The following CERS3 variants were observed in gnomAD, a reference collection of about 807,000 sequenced individuals.
CERS3 encodes the protein LAG1 homolog, ceramide synthase 3.
CERS3 carries 33 observed loss-of-function variants against 50.3 expected under a neutral mutation model. The ratio of observed to expected loss-of-function variants is 0.66; its 90% CI spans 0.50 to 0.88. CERS3 has a LOEUF of 0.88. CERS3 is among the 40% of genes least tolerant of loss of function. CERS3 has a pLI of 0.00. For synonymous variants in CERS3, 176 were observed against 155.2 expected, an observed-to-expected ratio of 1.13 and a Z score of -0.99; for missense variants, 470 against 460.3, an observed-to-expected ratio of 1.02 and a Z score of -0.19.
chr15:100,406,553 G>A (rs139434273), intron 11 of CERS3, among the ~76,000 whole-genome samples: 2 of 152,012 alleles, frequency 1.3e-5, no homozygotes, highest in Admixed American at 6.6e-5. Flanking sequence ...CCACAGAAAG[G>A]GTGTCAAAAT....
At chr15:100,475,380 T>C (rs2035094438) in intron 8 of CERS3, among the ~76,000 whole-genome samples, 1 of 152,224 alleles carries the variant, frequency 6.6e-6, no homozygotes. Flanking sequence ...ATACAAATTT[T>C]GCTACAAACC....
chr15:100,529,831 A>G (rs1183085327), upstream of CERS3, among the ~76,000 whole-genome samples: 1 of 152,242 alleles, frequency 6.6e-6, no homozygotes, highest in Non-Finnish European at 1.5e-5. Context: ...GATTCTCATT[A>G]GCTGTCTTCA....
intron 1 of CERS3, among the ~76,000 whole-genome samples, chr15:100,526,383 T>C (rs1367390186): frequency 3.3e-5 from 5 of 152,066 alleles, no homozygotes; most frequent in Non-Finnish European, 2.9e-5. Flanking sequence ...GGGAGCTCCC[T>C]TGGAGCCAGC....
rs2033271359 is a variant in CERS3 at position 100,434,024 on chromosome 15, G to A, written c.999+21869C>T. 3.3e-5 allele frequency among the ~76,000 whole-genome samples: 5 copies of A among 152,378 alleles called. No homozygotes were observed. In the South Asian group the frequency reaches 1.0e-3, roughly 32 times the overall value. ...AGGGCCTGTTCTGGCCTTAGCCCCT[G>A]CAGTCAGGCCTCTGTGGAGAGCTAT... On this transcript the variant is annotated intron_variant, in intron 11 of 11. Coordinates refer to ENST00000679737, the MANE Select transcript of CERS3 (RefSeq NM_001378789.1).
At position 100,472,961 on chromosome 15, in the gene CERS3, A is replaced by C. The variant is rs754294287; in HGVS notation, c.701T>G (p.Val234Gly). Residue 234 changes from valine (V) to glycine (G), a missense_variant, in exon 9 of 12, where the codon GTG becomes GGG. By Grantham distance (109) the Val-to-Gly change is moderately radical. Transcript: ENST00000679737. ...GTCAGCCACATCGTGTACAATCATC[A>C]CGAGGGTCCCACTGCGAATATAATT... ...CANYIRSGTL[V>G]MIVHDVADIW... 1 of 1,614,018 alleles carries C rather than the reference A, an allele frequency of 6.2e-7. No homozygotes were observed. Among genetic ancestry groups the C allele is most frequent in the Admixed American group, 1.7e-5 (1 of 60,010 alleles).
intron 11 of CERS3, among the ~76,000 whole-genome samples, chr15:100,438,554 G>A (rs1259149936): frequency 6.6e-6 from 1 of 152,170 alleles, no homozygotes; most frequent in Admixed American, 6.5e-5. Context: ...AGTGTTACAA[G>A]TTAAGAGACT....
At chr15:100,461,987 G>GA (rs914883362) in intron 10 of CERS3, among the ~76,000 whole-genome samples, 4 of 151,966 alleles carry the variant, frequency 2.6e-5, no homozygotes, top group South Asian at 2.1e-4. Context: ...CTGGGAAAAA[G>GA]AAAAAAAATT....
chr15:100,432,723 G>A (rs934762649), intron 11 of CERS3, among the ~76,000 whole-genome samples: 3 of 152,158 alleles, frequency 2.0e-5, no homozygotes, highest in South Asian at 2.1e-4. Flanking sequence ...AGGTACGTTC[G>A]AAAGAGTTGT....
intron 4 of CERS3, among the ~76,000 whole-genome samples, chr15:100,486,300 C>T (rs2035480442): frequency 6.6e-6 from 1 of 152,156 alleles, no homozygotes; most frequent in African/African-American, 2.4e-5. Context: ...AGTGTCAAAG[C>T]AATCGGATAT....
At chr15:100,467,823 G>GTGTATA (rs1555528291) in intron 10 of CERS3, among the ~76,000 whole-genome samples, 2,083 of 44,048 alleles carry the variant, frequency 0.047, 58 homozygotes, top group Middle Eastern at 0.18. Context: ...ATATATATGT[G>GTGTATA]TATATATATA....
At chr15:100,405,201 A>T (rs113888557) in intron 11 of CERS3, among the ~76,000 whole-genome samples, 1 of 150,164 alleles carries the variant, frequency 6.7e-6, no homozygotes, top group Non-Finnish European at 1.5e-5. Context: ...TCCAATTTGT[A>T]TGCATAATAA....
At chr15:100,469,562 T>C in intron 9 of CERS3, 78 bp from the exon 10 acceptor site, 1 of 1,041,040 alleles carries the variant, frequency 9.6e-7, no homozygotes, top group Non-Finnish European at 1.4e-6. Flanking sequence ...TGAAATGATA[T>C]GAGGTCTGGG....
In CERS3 at chr15:100,479,424, T is replaced by C; in HGVS notation, c.516+4A>G. On this transcript the variant is annotated splice_donor_region_variant and intron_variant, in intron 7 of 11. Transcript: ENST00000679737. The stretch of plus-strand genomic sequence containing the variant: ...AGGGGAGGAATATGTTATAGTGGAC[T>C]TACCTGTTTGGGATAGCCATTCCAA... The C allele has an allele frequency of 3.1e-6, 5 of 1,599,760 alleles. No individual in the cohort carries two copies. The highest frequency in any genetic ancestry group is 4.3e-6 in the Non-Finnish European group (5 of 1,172,026).
intron 2 of CERS3, among the ~76,000 whole-genome samples, chr15:100,507,070 T>A (rs900074024): frequency 6.6e-6 from 1 of 152,214 alleles, no homozygotes; most frequent in South Asian, 2.1e-4. Flanking sequence ...TCTTCATTTA[T>A]GGTGCTTAAG....
At chr15:100,527,645 T>C (rs2036833528) in intron 1 of CERS3, among the ~76,000 whole-genome samples, 1 of 152,238 alleles carries the variant, frequency 6.6e-6, no homozygotes, top group South Asian at 2.1e-4. Flanking sequence ...ACTGTACCAC[T>C]GTAAATCTCA....
At chr15:100,476,864 C>G (rs753950477) in intron 7 of CERS3, among the ~76,000 whole-genome samples, 1 of 152,128 alleles carries the variant, frequency 6.6e-6, no homozygotes, top group Non-Finnish European at 1.5e-5. Context: ...GGACTTGATC[C>G]TGGTCTTTGG....
chr15:100,474,507 C>A (rs914815416), intron 8 of CERS3, among the ~76,000 whole-genome samples: 1 of 151,982 alleles, frequency 6.6e-6, no homozygotes, highest in Non-Finnish European at 1.5e-5. Flanking sequence ...CAGGTTCAAG[C>A]GATTCTCCTG....
intron 5 of CERS3, among the ~76,000 whole-genome samples, chr15:100,483,938 G>A (rs2587769): frequency 0.87 from 130,831 of 150,388 alleles, 57,655 homozygotes; most frequent in East Asian, 0.96. Context: ...CCGCCACCAC[G>A]CCCAGCTAAT....
rs1047080388 is a variant in CERS3 at position 100,407,327 on chromosome 15, A to G, written c.1000-4462T>C. Among the ~76,000 whole-genome samples, 4 of 152,294 alleles carry G rather than the reference A, an allele frequency of 2.6e-5. No individual in the cohort carries two copies. In the East Asian group the frequency reaches 5.8e-4, roughly 22 times the overall value. On this transcript the variant is annotated intron_variant, in intron 11 of 11. Coordinates refer to ENST00000679737, the MANE Select transcript of CERS3 (RefSeq NM_001378789.1). Reference sequence around the variant, plus strand: ...TCCAGCTGTTTGCCTTTAACAAGAGATCCCAACTGTATAGGGCCTGTTGGA... The same window carrying G: ...TCCAGCTGTTTGCCTTTAACAAGAGGTCCCAACTGTATAGGGCCTGTTGGA...
Sources: allele counts gnomAD v4.1 joint callset (sites outside exome capture counted in the v4.1 genomes callset), GRCh38; gene constraint gnomAD v4.1.1; transcripts MANE v1.5; gene names NCBI Gene and HGNC (gene_info 2026-07-23, HGNC 2026-07-21).